Variants in BRD1 observed in about 807,000 individuals in gnomAD.
The protein encoded by BRD1 is bromodomain containing 1, also known as bromodomain-containing protein 1.
BRD1 carries 24 observed loss-of-function variants against 107.7 expected under a neutral mutation model. That is an observed-to-expected ratio of 0.22 (90% CI 0.16 to 0.31). The LOEUF (loss-of-function observed/expected upper bound fraction) is 0.31, where lower values mean the gene tolerates loss of function less well. BRD1 is among the 10% of genes least tolerant of loss of function. The pLI is 1.00. For missense variants in BRD1, 1,279 were observed against 1,638.6 expected (o/e 0.78, Z 3.79); for synonymous variants, 744 against 686.1 (o/e 1.08, Z -1.32).
In BRD1 at chr22:49,798,551, C is replaced by T. The variant is rs905098897; in HGVS notation, c.1785+7G>A. On this transcript the variant is annotated splice_region_variant and intron_variant, in intron 5 of 12. Coordinates refer to ENST00000404760, the MANE Select transcript of BRD1 (RefSeq NM_001304808.3). ...CGGCAGGACAGACGAGCGCCGCAAA[C>T]ACCCACCTCCTTCAGACTCACGGGC... is the stretch of plus-strand genomic sequence containing the variant. 16 of 1,614,198 alleles carry T rather than the reference C, an allele frequency of 9.9e-6. No homozygotes were observed. Among genetic ancestry groups the T allele is most frequent in the Non-Finnish European group, 1.4e-5 (16 of 1,180,044 alleles).
rs200471149 is a variant in BRD1, at chr22:49,776,035, G to A, written c.3231+15C>T. The stretch of plus-strand genomic sequence containing the variant: ...CCTCCTCTGGACCCGCAGGCGCCAC[G>A]AGAGCCGTACTCACCAGTGCCGGGT... On this transcript the variant is annotated intron_variant, in intron 11 of 12. Transcript: ENST00000404760. 112 of 1,509,914 alleles carry A rather than the reference G, an allele frequency of 7.4e-5. No homozygotes were observed. The African/African-American group carries it at 1.4e-3, about 19-fold the overall frequency. The allele number at this position is 1,509,914 out of a possible 1,614,324, so 93.5% of individuals were successfully genotyped here.
In BRD1 at chr22:49,783,756, G is replaced by A. The variant is rs772793108; in HGVS notation, c.2857+3634C>T. On this transcript the variant is annotated intron_variant, in intron 8 of 12. Coordinates refer to ENST00000404760, the MANE Select transcript of BRD1 (RefSeq NM_001304808.3). The surrounding 1 kb of genome is among the most constrained non-coding windows in gnomAD (Gnocchi z 4.2). ...ACTTACAGAGGGGGTGGGCTGGGGTGGGGGAGAGCTCCTCCAGGGCTGCTG... is the reference window on the plus strand; with the variant it reads ...ACTTACAGAGGGGGTGGGCTGGGGTAGGGGAGAGCTCCTCCAGGGCTGCTG... Among the ~76,000 whole-genome samples, 1 of 152,166 alleles carries A rather than the reference G, an allele frequency of 6.6e-6. No homozygotes were observed. The highest frequency in any genetic ancestry group is 2.4e-5 in the African/African-American group (1 of 41,442).
chr22:49,825,421 T>A lies in BRD1; in HGVS notation c.-14-1090A>T, dbSNP rs113281747. On this transcript the variant is annotated intron_variant, in intron 1 of 12. Transcript: ENST00000404760. ...AGGTAGGCAAAACCAGTGAGCTGCC[T>A]CCCATACCTCCAGCTCCTCGTGGCA... Among the ~76,000 whole-genome samples the A allele has an allele frequency of 2.0e-3, 309 of 152,142 alleles. 1 individual carries two copies. The highest frequency in any genetic ancestry group is 6.9e-3 in the African/African-American group (286 of 41,496).
chr22:49,778,615 T>C (rs769949197), intron 8 of BRD1, among the ~76,000 whole-genome samples: 1 of 152,154 alleles, frequency 6.6e-6, no homozygotes, highest in Non-Finnish European at 1.5e-5. Context: ...GGGGGGATGA[T>C]GTTCCTGCTG....
Position 49,823,523 on chromosome 22 carries a change from C to T in BRD1, c.795G>A (p.Arg265=). 6.2e-7 allele frequency: 1 copy of T among 1,601,278 alleles called. No homozygotes were observed. Among genetic ancestry groups the T allele is most frequent in the African/African-American group, 1.3e-5 (1 of 74,792 alleles). Residue 265 remains arginine (R), a synonymous_variant, in exon 2 of 13, where the codon CGG becomes CGA. Transcript: ENST00000404760. ...ACAGCACACAGTCGGCGGGCCGGGC[C>T]CGCGACTGCAGGCAGTGGCGGCAGA... ...QWLCRHCLQS[R]ARPADCVLCP... is the part of the protein sequence containing the mutation.
rs757161185 is a variant in BRD1, at chr22:49,777,696, C to T, written c.2975G>A (p.Ser992Asn). 1 of 1,608,098 alleles carries T rather than the reference C, an allele frequency of 6.2e-7. No individual in the cohort carries two copies. Among genetic ancestry groups the T allele is most frequent in the Admixed American group, 1.7e-5 (1 of 59,564 alleles). The change falls in exon 9 of 13, where the codon AGC becomes AAC. Residue 992 changes from serine to asparagine, a missense_variant. Ser to Asn is a conservative substitution (Grantham distance 46). Coordinates refer to ENST00000404760, the MANE Select transcript of BRD1 (RefSeq NM_001304808.3). The stretch of plus-strand genomic sequence containing the variant: ...TGCCCACCTCGAGTCGCAGAGCGGG[C>T]TGTTGCTGGAGGAGATGCTGGACTC... Reference protein sequence around the residue: ...ASESSISSSNSPLCDSSFNAP... With the variant: ...ASESSISSSNNPLCDSSFNAP...
At chr22:49,809,272 T>C (rs1291692202) in intron 2 of BRD1, among the ~76,000 whole-genome samples, 4 of 152,092 alleles carry the variant, frequency 2.6e-5, no homozygotes, top group South Asian at 2.1e-4. Context: ...CCAGGTGCAG[T>C]GGCTCACGCC....
intron 7 of BRD1, among the ~76,000 whole-genome samples, chr22:49,791,539 G>A (rs988806149): frequency 2.6e-5 from 4 of 152,230 alleles, no homozygotes; most frequent in East Asian, 1.9e-4. Flanking sequence ...CTTTACTGAT[G>A]AGAACGTTCA....
intron 7 of BRD1, among the ~76,000 whole-genome samples, chr22:49,789,354 A>G (rs900963339): frequency 2.0e-5 from 3 of 152,238 alleles, no homozygotes; most frequent in Admixed American, 6.5e-5. Context: ...AAGGCTGCTC[A>G]TGAGCATCCC....
At chr22:49,804,603 C>G (rs1260457821) in intron 2 of BRD1, among the ~76,000 whole-genome samples, 9 of 152,202 alleles carry the variant, frequency 5.9e-5, no homozygotes, top group Non-Finnish European at 1.2e-4. Flanking sequence ...AATCCCAGCA[C>G]TTTGGGAGGC....
chr22:49,820,007 G>A (rs1282099824), intron 2 of BRD1, among the ~76,000 whole-genome samples: 4 of 151,792 alleles, frequency 2.6e-5, no homozygotes, highest in African/African-American at 4.8e-5. Context: ...GCAGGTGCCT[G>A]TAATCCTAGC....
chr22:49,789,663 G>A (rs551918894), intron 7 of BRD1, among the ~76,000 whole-genome samples: 150 of 152,262 alleles, frequency 9.9e-4, no homozygotes, highest in African/African-American at 3.4e-3. Context: ...CAGCACCTCC[G>A]GGAGACCCCC....
intron 6 of BRD1, among the ~76,000 whole-genome samples, chr22:49,797,411 G>A (rs1044013840): frequency 5.9e-5 from 9 of 152,128 alleles, no homozygotes; most frequent in Admixed American, 2.0e-4. Flanking sequence ...GGTCTGCATC[G>A]TCGAGACCGG....
At chr22:49,808,285 T>C (rs900696296) in intron 2 of BRD1, among the ~76,000 whole-genome samples, 2 of 152,192 alleles carry the variant, frequency 1.3e-5, no homozygotes, top group Non-Finnish European at 2.9e-5. Flanking sequence ...CAAGAGCCCA[T>C]GGAGGAAGGA....
intron 2 of BRD1, among the ~76,000 whole-genome samples, chr22:49,815,295 T>G (rs1335283561): frequency 6.6e-6 from 1 of 152,076 alleles, no homozygotes; most frequent in Non-Finnish European, 1.5e-5. Context: ...TCCCAACACT[T>G]TGGGAGGCTA....
At chr22:49,777,614 C>G in intron 9 of BRD1, 64 bp downstream of exon 9, 3 of 1,565,524 alleles carry the variant, frequency 1.9e-6, no homozygotes, top group Non-Finnish European at 8.6e-7. Flanking sequence ...GCTTCCAGGA[C>G]AGCCAGGCGG....
At chr22:49,790,427 C>T (rs915216959) in intron 7 of BRD1, among the ~76,000 whole-genome samples, 3 of 152,218 alleles carry the variant, frequency 2.0e-5, no homozygotes, top group Non-Finnish European at 2.9e-5. Flanking sequence ...ATGCTCGATA[C>T]AACTCGGGCA....
chr22:49,794,381 C>A, intron 6 of BRD1, 87 bp from the exon 7 acceptor site: 1 of 1,513,880 alleles, frequency 6.6e-7, no homozygotes, highest in African/African-American at 1.4e-5. Context: ...AAATCACCTT[C>A]GGCCAAGGCC....
Position 49,787,304 on chromosome 22 carries a change from C to CT in BRD1, c.2857+85_2857+86insA, listed in dbSNP as rs1040823702. The stretch of plus-strand genomic sequence containing the variant: ...TGCAAAAACAGAAGCTGGACACCCC[C>CT]CCCCCCCCGTCACACCAATGATCCT... On this transcript the variant is annotated intron_variant, in intron 8 of 12. Coordinates refer to ENST00000404760, the MANE Select transcript of BRD1 (RefSeq NM_001304808.3). 1.1e-5 allele frequency: 9 copies of CT among 829,462 alleles called. 3 individuals carry two copies. Among genetic ancestry groups the CT allele is most frequent in the African/African-American group, 1.8e-5 (1 of 54,734 alleles). 51.4% of individuals were successfully genotyped at this position (829,462 alleles called of 1,614,324 possible). A position where few individuals can be genotyped will look rare whatever the true frequency, so the allele number is the denominator to read the frequency against.
Sources: gnomAD v4.1 joint callset for allele counts (sites outside exome capture counted in the v4.1 genomes callset) on GRCh38, gnomAD v4.1.1 for gene constraint, Gnocchi (gnomAD v3.1) non-coding constraint, MANE v1.5 for transcripts, NCBI Gene and HGNC (gene_info 2026-07-23, HGNC 2026-07-21) for gene names.